Variants in DNAAF5 observed in about 807,000 individuals in gnomAD.
The protein encoded by DNAAF5 is dynein axonemal assembly factor 5, also known as HEAT repeat containing 2.
Under a neutral mutation model 75.8 loss-of-function variants are expected in DNAAF5, and 64 were observed. The observed-to-expected ratio is 0.84, with a 90% CI of 0.69 to 1.04. The LOEUF (loss-of-function observed/expected upper bound fraction) is 1.04, where lower values mean the gene tolerates loss of function less well. Ranked by LOEUF, DNAAF5 falls within the 50% of genes least tolerant of loss-of-function variation. The probability of loss-of-function intolerance (pLI) is 0.00; values close to 1 mark genes in which losing one functional copy is unlikely to be tolerated. For missense variants in DNAAF5, 1,269 were observed against 1,178.5 expected, an observed-to-expected ratio of 1.08 and a Z score of -1.12; for synonymous variants, 657 against 557.2, an observed-to-expected ratio of 1.18 and a Z score of -2.52.
At chr7:783,457 A>T (rs1192195401) in intron 12 of DNAAF5, among the ~76,000 whole-genome samples, 1 of 152,036 alleles carries the variant, frequency 6.6e-6, no homozygotes, top group Non-Finnish European at 1.5e-5. Flanking sequence ...GCTTTGACTC[A>T]CAGACCCTCT....
intron 9 of DNAAF5, chr7:772,160 G>C (rs750452796): frequency 6.6e-6 from 1 of 152,304 alleles, no homozygotes; most frequent in Non-Finnish European, 1.5e-5. Context: ...GTCTGCCATG[G>C]TGTCTCCACC....
chr7:785,701 A>T lies in DNAAF5; in HGVS notation c.*48A>T, dbSNP rs778532064. ...ACACCCTTGTCCCCACCTGAGCCAG[A>T]GTTTGTGGCCTTTAAATCTCATAAA... On this transcript the variant is annotated 3_prime_UTR_variant, in exon 13 of 13. Coordinates refer to ENST00000297440, the MANE Select transcript of DNAAF5 (RefSeq NM_017802.4). The T allele has an allele frequency of 1.3e-6, 2 of 1,597,818 alleles. No individual in the cohort carries two copies. The highest frequency in any genetic ancestry group is 2.2e-5 in the South Asian group (2 of 90,192).
chr7:784,198 G>A (rs1027490734), intron 12 of DNAAF5, among the ~76,000 whole-genome samples: 12 of 152,154 alleles, frequency 7.9e-5, no homozygotes, highest in Admixed American at 2.0e-4. Flanking sequence ...CTCTGGCTGC[G>A]GGACGCCCGT....
rs1160633693 is a variant in DNAAF5 at position 727,481 on chromosome 7, C to G, written c.595+166C>G. The G allele has an allele frequency of 2.6e-5, 8 of 309,424 alleles. No individual in the cohort carries two copies. In the East Asian group the frequency reaches 3.5e-4, roughly 14 times the overall value. 19.2% of individuals were successfully genotyped at this position (309,424 alleles called of 1,614,324 possible). ...GCGCCGCTTCCCCCACCCGCCTGCC[C>G]CAAAGCACCCCGCCCGGCCCCCTCC... On this transcript the variant is annotated intron_variant, in intron 1 of 12. Coordinates refer to ENST00000297440, the MANE Select transcript of DNAAF5 (RefSeq NM_017802.4).
At chr7:781,791 C>G (rs976574137) in intron 12 of DNAAF5, among the ~76,000 whole-genome samples, 13 of 152,184 alleles carry the variant, frequency 8.5e-5, no homozygotes, top group Admixed American at 6.5e-5. Context: ...TCCATGCTGT[C>G]TTTTGAGAGC....
intron 9 of DNAAF5, chr7:770,829 G>A (rs1778538013): frequency 1.9e-6 from 1 of 528,488 alleles, no homozygotes; most frequent in Non-Finnish European, 3.4e-6. Flanking sequence ...GTCTAAGGTG[G>A]GCCGGGGGTC....
chr7:772,334 CAGTG>C (rs1275101896), intron 9 of DNAAF5: 1 of 152,234 alleles, frequency 6.6e-6, no homozygotes, highest in Non-Finnish European at 1.5e-5. Flanking sequence ...CAAAATGCTC[CAGTG>C]AGTATTTCAT....
chr7:744,803 A>G lies in DNAAF5; in HGVS notation c.1024+3338A>G, dbSNP rs192176379. On this transcript the variant is annotated intron_variant, in intron 4 of 12. Coordinates refer to ENST00000297440, the MANE Select transcript of DNAAF5 (RefSeq NM_017802.4). ...TTTTTAATAGAGACAGGGTTTCGCC[A>G]TGTTGGTCAGGGTGGTCTCGAACTC... Among the ~76,000 whole-genome samples, 347 of 152,300 alleles carry G rather than the reference A, an allele frequency of 2.3e-3. 1 individual carries two copies. The highest frequency in any genetic ancestry group is 3.9e-3 in the Non-Finnish European group (263 of 68,014).
rs1158806024 is a variant in DNAAF5 at position 786,358 on chromosome 7, G to A, written c.*705G>A. Reference sequence around the variant, plus strand: ...GTGCCTAAAAGATCTCATTGTAAGTGGGTAGTGTTACCGGAAGCCATTGTG... The same window carrying A: ...GTGCCTAAAAGATCTCATTGTAAGTAGGTAGTGTTACCGGAAGCCATTGTG... On this transcript the variant is annotated 3_prime_UTR_variant, in exon 13 of 13. Coordinates refer to ENST00000297440, the MANE Select transcript of DNAAF5 (RefSeq NM_017802.4). 1.3e-5 allele frequency: 2 copies of A among 151,100 alleles called. No homozygotes were observed. The highest frequency in any genetic ancestry group is 4.8e-5 in the African/African-American group (2 of 41,454). 9.4% of individuals were successfully genotyped at this position (151,100 alleles called of 1,614,324 possible). A position where few individuals can be genotyped will look rare whatever the true frequency, so the allele number is the denominator to read the frequency against.
In DNAAF5 at chr7:727,172, T is replaced by C; in HGVS notation, c.452T>C (p.Leu151Pro). The change falls in exon 1 of 13, where the codon CTG becomes CCG. Residue 151 changes from leucine to proline, a missense_variant. Leu to Pro is a moderately conservative substitution (Grantham distance 98, BLOSUM62 -3). Transcript: ENST00000297440. The stretch of plus-strand genomic sequence containing the variant: ...CTGGCGCTTGTGCAGCTGCTGGGCC[T>C]GGCCGTGGACCTGTGCGGCGCCGCG... ...LRLALVQLLG[L>P]AVDLCGAALA... is the part of the protein sequence containing the mutation. 2 of 1,320,874 alleles carry C rather than the reference T, an allele frequency of 1.5e-6. No homozygotes were observed. Among genetic ancestry groups the C allele is most frequent in the South Asian group, 1.8e-5 (1 of 56,600 alleles). The allele number at this position is 1,320,874 out of a possible 1,614,324, so 81.8% of individuals were successfully genotyped here.
At chr7:757,082 C>G in intron 6 of DNAAF5, 88 bp downstream of exon 6, 1 of 1,295,804 alleles carries the variant, frequency 7.7e-7, no homozygotes, top group Non-Finnish European at 1.1e-6. Flanking sequence ...CTGTGGGTTG[C>G]CCTGTGCCGC....
At chr7:778,359 T>C (rs1204050129) in intron 11 of DNAAF5, 1 of 152,062 alleles carries the variant, frequency 6.6e-6, no homozygotes, top group Non-Finnish European at 1.5e-5. Flanking sequence ...CTTCCCAGGG[T>C]GAAGTGTTGG....
intron 9 of DNAAF5, 43 bp downstream of exon 9, chr7:770,661 T>C: frequency 6.3e-7 from 1 of 1,590,172 alleles, no homozygotes; most frequent in Non-Finnish European, 8.6e-7. Flanking sequence ...AGCTGGGGCC[T>C]GGGCCAGGGG....
chr7:746,908 G>A lies in DNAAF5; in HGVS notation c.1024+5443G>A, dbSNP rs137893204. ...GTCACTTGCATGAGGTTGTGGGAGCGTGGCCGCTGGCGTCTGCTCTTTCCT... is the reference window on the plus strand; with the variant it reads ...GTCACTTGCATGAGGTTGTGGGAGCATGGCCGCTGGCGTCTGCTCTTTCCT... On this transcript the variant is annotated intron_variant, in intron 4 of 12. Transcript: ENST00000297440. 2.6e-3 allele frequency among the ~76,000 whole-genome samples: 397 copies of A among 152,292 alleles called. 1 individual carries two copies. The highest frequency in any genetic ancestry group is 0.017 in the Middle Eastern group (5 of 294).
intron 9 of DNAAF5, 67 bp downstream of exon 9, chr7:770,685 C>T: frequency 6.7e-7 from 1 of 1,488,324 alleles, no homozygotes; most frequent in Middle Eastern, 2.2e-4. Context: ...CCATCTCCCT[C>T]CCCAACAGCT....
intron 4 of DNAAF5, among the ~76,000 whole-genome samples, chr7:742,250 A>G (rs1781933412): frequency 6.6e-6 from 1 of 152,154 alleles, no homozygotes; most frequent in Admixed American, 6.5e-5. Context: ...TAAATAATAG[A>G]TACGCACTGA....
intron 8 of DNAAF5, among the ~76,000 whole-genome samples, chr7:769,748 C>T (rs1778490138): frequency 6.6e-6 from 1 of 152,180 alleles, no homozygotes; most frequent in African/African-American, 2.4e-5. Flanking sequence ...ACTTCCGCCT[C>T]ACGGGTTCAA....
Position 756,150 on chromosome 7 carries a change from G to A in DNAAF5, c.1258-632G>A, listed in dbSNP as rs1286588785. 3.8e-4 allele frequency among the ~76,000 whole-genome samples: 53 copies of A among 140,354 alleles called. 2 individuals are homozygous for A. The highest frequency in any genetic ancestry group is 1.3e-3 in the African/African-American group (49 of 36,734). 92.1% of individuals were successfully genotyped at this position (140,354 alleles called of 152,430 possible). ...AGAGGGGCTGGTGTGTGTGTGATCC[G>A]CTGTGGAATCCCACGGTGCAGAGGG... On this transcript the variant is annotated intron_variant, in intron 5 of 12. Transcript: ENST00000297440.
chr7:765,436 A>G (rs1160631432), intron 8 of DNAAF5, among the ~76,000 whole-genome samples: 2 of 152,128 alleles, frequency 1.3e-5, no homozygotes, highest in African/African-American at 2.4e-5. Flanking sequence ...TCCAGCCTTC[A>G]CCTCACAGTC....
Sources: gnomAD v4.1 joint callset for allele counts (sites outside exome capture counted in the v4.1 genomes callset) on GRCh38, gnomAD v4.1.1 for gene constraint, MANE v1.5 for transcripts, NCBI Gene and HGNC (gene_info 2026-07-23, HGNC 2026-07-21) for gene names.